The following PRDM16 variants were observed in gnomAD, a reference collection of about 807,000 sequenced individuals.
PRDM16 encodes histone-lysine N-methyltransferase PRDM16.
Under a neutral mutation model 110.6 loss-of-function variants are expected in PRDM16, and 23 were observed. The observed-to-expected ratio is 0.21, with a 90% CI of 0.15 to 0.29. The LOEUF (loss-of-function observed/expected upper bound fraction) is 0.29, where lower values mean the gene tolerates loss of function less well. Ranked by LOEUF, PRDM16 falls within the 10% of genes least tolerant of loss-of-function variation. The pLI, the probability that PRDM16 is intolerant of heterozygous loss-of-function variation, is 1.00. For synonymous variants in PRDM16, 799 were observed against 781.8 expected (o/e 1.02, Z -0.37); for missense variants, 1,615 against 1,794.3 (o/e 0.90, Z 1.81).
chr1:3,200,282 A>G (rs1229714501), intron 2 of PRDM16, among the ~76,000 whole-genome samples: 1 of 152,044 alleles, frequency 6.6e-6, no homozygotes, highest in Non-Finnish European at 1.5e-5. Flanking sequence ...CCGGCAGAAA[A>G]CCACAGGCTC....
chr1:3,215,706 C>T (rs996527306), intron 2 of PRDM16, among the ~76,000 whole-genome samples: 1 of 152,182 alleles, frequency 6.6e-6, no homozygotes. Context: ...GAGGGACGGC[C>T]GTGGCCTTCC....
chr1:3,284,789 G>C (rs544348676), intron 3 of PRDM16, among the ~76,000 whole-genome samples: 8 of 152,224 alleles, frequency 5.3e-5, no homozygotes, highest in Non-Finnish European at 1.2e-4. Flanking sequence ...GCCTGGGGTG[G>C]CCAAGCCTGG....
intron 3 of PRDM16, among the ~76,000 whole-genome samples, chr1:3,363,685 G>A (rs1439941514): frequency 1.3e-5 from 2 of 152,266 alleles, no homozygotes; most frequent in African/African-American, 2.4e-5. Context: ...TGGCCGGGGG[G>A]CAGGTGCACA....
chr1:3,296,172 C>T (rs952596748), intron 3 of PRDM16, among the ~76,000 whole-genome samples: 8 of 152,306 alleles, frequency 5.3e-5, no homozygotes, highest in Admixed American at 3.9e-4. Context: ...GTGGAGCGTC[C>T]TGGGGAAGTG....
intron 3 of PRDM16, among the ~76,000 whole-genome samples, chr1:3,364,099 G>C (rs1175283306): frequency 6.6e-6 from 1 of 152,160 alleles, no homozygotes; most frequent in Non-Finnish European, 1.5e-5. Context: ...ACTGCTGGAT[G>C]AGATGCAAAG....
At chr1:3,156,769 A>T (rs535347343) in intron 1 of PRDM16, among the ~76,000 whole-genome samples, 18 of 152,174 alleles carry the variant, frequency 1.2e-4, no homozygotes, top group Non-Finnish European at 2.4e-4. Context: ...CCACAGCTCA[A>T]AGCCAGAGTC....
chr1:3,240,038 A>AAG (rs1639626591), intron 2 of PRDM16, among the ~76,000 whole-genome samples: 1 of 105,338 alleles, frequency 9.5e-6, no homozygotes, highest in African/African-American at 4.5e-5. Context: ...AGGAGAGGAG[A>AAG]AGAGGAGAGG....
intron 1 of PRDM16, among the ~76,000 whole-genome samples, chr1:3,094,877 C>T (rs559602263): frequency 6.8e-6 from 1 of 146,362 alleles, no homozygotes; most frequent in Non-Finnish European, 1.5e-5. Flanking sequence ...GCATGAGTGC[C>T]AGGTGTGTCT....
intron 3 of PRDM16, among the ~76,000 whole-genome samples, chr1:3,252,295 G>A (rs973201941): frequency 4.6e-5 from 7 of 152,326 alleles, no homozygotes; most frequent in East Asian, 1.9e-4. Flanking sequence ...GTCCCTGTGC[G>A]GGCATTGGGG....
chr1:3,099,020 GCCACCCACT>G (rs1419670656), intron 1 of PRDM16, among the ~76,000 whole-genome samples: 3 of 152,210 alleles, frequency 2.0e-5, no homozygotes, highest in African/African-American at 7.2e-5. Context: ...GGAGGGTTGG[GCCACCCACT>G]CCATCAAGCC....
intron 1 of PRDM16, among the ~76,000 whole-genome samples, chr1:3,158,055 T>C (rs2742657): frequency 0.28 from 41,865 of 152,154 alleles, 6,952 homozygotes; most frequent in African/African-American, 0.47. Context: ...CTGGTATACT[T>C]TTTCAGTCCT....
rs193118666 is a variant in PRDM16 at position 3,412,327 on chromosome 1, G to C, written c.2130G>C (p.Gly710=). ...AEKYFGPGFM[G]MQEKKLGSLP... ...AGTACTTTGGCCCCGGCTTCATGGGGATGCAGGAGAAGAAGCTGGGCTCGC... is the reference window on the plus strand; with the variant it reads ...AGTACTTTGGCCCCGGCTTCATGGGCATGCAGGAGAAGAAGCTGGGCTCGC... The change falls in exon 9 of 17, where the codon GGG becomes GGC. Residue 710 remains glycine, a synonymous_variant. Transcript: ENST00000270722. The C allele has an allele frequency of 3.7e-6, 6 of 1,613,694 alleles. No individual in the cohort carries two copies. The highest frequency in any genetic ancestry group is 5.1e-6 in the Non-Finnish European group (6 of 1,180,038).
chr1:3,432,159 C>A lies in PRDM16; in HGVS notation c.3696+19C>A. 1.9e-6 allele frequency: 3 copies of A among 1,606,040 alleles called. No individual in the cohort carries two copies. The highest frequency in any genetic ancestry group is 2.6e-6 in the Non-Finnish European group (3 of 1,174,800). On this transcript the variant is annotated intron_variant, in intron 16 of 16. Coordinates refer to ENST00000270722, the MANE Select transcript of PRDM16 (RefSeq NM_022114.4). Reference sequence around the variant, plus strand: ...GAACCAGGTAGGTACCCGCCAGAGCCCCTCCCCCACCCCACCTGGCCTCCT... The same window carrying A: ...GAACCAGGTAGGTACCCGCCAGAGCACCTCCCCCACCCCACCTGGCCTCCT...
rs1161283443 is a variant in PRDM16, at chr1:3,350,818, T to A, written c.439-34334T>A. ...TCTTTCTGGGCCTCAAACTCTTTTTTGAGGCCAGGTGGGTGGGGCCCAGCC... is the reference window on the plus strand; with the variant it reads ...TCTTTCTGGGCCTCAAACTCTTTTTAGAGGCCAGGTGGGTGGGGCCCAGCC... On this transcript the variant is annotated intron_variant, in intron 3 of 16. Coordinates refer to ENST00000270722, the MANE Select transcript of PRDM16 (RefSeq NM_022114.4). The surrounding 1 kb of genome is among the most constrained non-coding windows in gnomAD (Gnocchi z 7.1). 1.3e-5 allele frequency among the ~76,000 whole-genome samples: 2 copies of A among 152,134 alleles called. No homozygotes were observed. Among genetic ancestry groups the A allele is most frequent in the Non-Finnish European group, 2.9e-5 (2 of 68,004 alleles).
Position 3,209,178 on chromosome 1 carries a change from G to A in PRDM16, c.387+22704G>A, listed in dbSNP as rs935462121. On this transcript the variant is annotated intron_variant, in intron 2 of 16. Coordinates refer to ENST00000270722, the MANE Select transcript of PRDM16 (RefSeq NM_022114.4). The surrounding 1 kb of genome is among the most constrained non-coding windows in gnomAD (Gnocchi z 4.6). ...ATATGGGAACATTTTGGTTCCAGGG[G>A]TAAGAAAAAATTAATCATTTATTTG... 2.0e-5 allele frequency among the ~76,000 whole-genome samples: 3 copies of A among 152,292 alleles called. No individual in the cohort carries two copies. The highest frequency in any genetic ancestry group is 2.9e-5 in the Non-Finnish European group (2 of 68,018).
At chr1:3,181,732 TCTTACACACGGA>T (rs1277626026) in intron 1 of PRDM16, among the ~76,000 whole-genome samples, 2 of 141,748 alleles carry the variant, frequency 1.4e-5, no homozygotes, top group Non-Finnish European at 3.0e-5. Context: ...TTACACACGG[TCTTACACACGGA>T]GTCTTACACA....
intron 3 of PRDM16, among the ~76,000 whole-genome samples, chr1:3,380,622 T>C (rs576625188): frequency 4.6e-5 from 7 of 152,240 alleles, no homozygotes; most frequent in East Asian, 3.9e-4. Context: ...CACTGTCCCA[T>C]GTGGGTGAGA....
chr1:3,346,598 C>A (rs893687899), intron 3 of PRDM16, among the ~76,000 whole-genome samples: 2 of 152,122 alleles, frequency 1.3e-5, no homozygotes, highest in African/African-American at 4.8e-5. Flanking sequence ...ACACAGACAC[C>A]CCCTCCACCT....
At chr1:3,172,071 G>A (rs1045291350) in intron 1 of PRDM16, among the ~76,000 whole-genome samples, 7 of 152,160 alleles carry the variant, frequency 4.6e-5, no homozygotes, top group Non-Finnish European at 1.0e-4. Context: ...GGGCCCTGCC[G>A]GCTGCCAAGC....
Sources: allele counts gnomAD v4.1 joint callset (sites outside exome capture counted in the v4.1 genomes callset), GRCh38; gene constraint gnomAD v4.1.1; non-coding constraint Gnocchi (gnomAD v3.1); transcripts MANE v1.5; gene names NCBI Gene and HGNC (gene_info 2026-07-23, HGNC 2026-07-21).